The following EEFSEC variants were observed in gnomAD, a reference collection of about 807,000 sequenced individuals.
EEFSEC encodes the protein eukaryotic elongation factor, selenocysteine-tRNA specific.
A neutral mutation model predicts 42.1 loss-of-function variants in EEFSEC; 43 were observed. The ratio of observed to expected loss-of-function variants is 1.02; its 90% CI spans 0.80 to 1.32. The LOEUF (loss-of-function observed/expected upper bound fraction) is 1.32. Among genes scored for constraint, EEFSEC ranks in the 40% most tolerant of loss-of-function variants. EEFSEC has a pLI of 0.00. For missense variants in EEFSEC, 745 were observed against 803.6 expected, an observed-to-expected ratio of 0.93 and a Z score of 0.88; for synonymous variants, 354 against 339.1, an observed-to-expected ratio of 1.04 and a Z score of -0.48.
chr3:128,167,874 T>G (rs1238902878), intron 1 of EEFSEC, among the ~76,000 whole-genome samples: 1 of 152,214 alleles, frequency 6.6e-6, no homozygotes, highest in Non-Finnish European at 1.5e-5. Flanking sequence ...TTGCCGGCAA[T>G]CTTCAGCTTG....
At chr3:128,157,408 CT>C (rs1296739820) in intron 1 of EEFSEC, among the ~76,000 whole-genome samples, 1 of 152,202 alleles carries the variant, frequency 6.6e-6, no homozygotes, top group Non-Finnish European at 1.5e-5. Context: ...CAGATTTTCA[CT>C]GTAGATGGAA....
At chr3:128,400,132 G>A (rs2068032001) in intron 6 of EEFSEC, among the ~76,000 whole-genome samples, 1 of 152,176 alleles carries the variant, frequency 6.6e-6, no homozygotes, top group Admixed American at 6.5e-5. Flanking sequence ...TCTTGGCCAG[G>A]CCTGCCTCCA....
intron 5 of EEFSEC, among the ~76,000 whole-genome samples, chr3:128,351,170 T>C (rs551854331): frequency 6.6e-6 from 1 of 152,098 alleles, no homozygotes; most frequent in African/African-American, 2.4e-5. Context: ...GTGGTTGGTG[T>C]TGAGTACATG....
chr3:128,358,650 G>A (rs2067488581), intron 6 of EEFSEC, among the ~76,000 whole-genome samples: 1 of 152,200 alleles, frequency 6.6e-6, no homozygotes, highest in Admixed American at 6.5e-5. Context: ...GGGGCCTTGG[G>A]CCCGCACCTT....
intron 1 of EEFSEC, among the ~76,000 whole-genome samples, chr3:128,186,792 C>A (rs115961531): frequency 1.8e-3 from 267 of 152,216 alleles, no homozygotes; most frequent in African/African-American, 6.2e-3. Flanking sequence ...TTATTCTGAA[C>A]TATTTTTTTT....
intron 2 of EEFSEC, among the ~76,000 whole-genome samples, chr3:128,255,853 G>A (rs947072853): frequency 6.6e-6 from 1 of 152,084 alleles, no homozygotes; most frequent in Non-Finnish European, 1.5e-5. Flanking sequence ...GGGGAGCGGG[G>A]CCGGGGCTGG....
At chr3:128,170,444 A>G (rs3122173) in intron 1 of EEFSEC, among the ~76,000 whole-genome samples, 43,572 of 151,542 alleles carry the variant, frequency 0.29, 6,463 homozygotes, top group South Asian at 0.37. Context: ...CAGCTACTTG[A>G]GAGGCTGAGG....
intron 6 of EEFSEC, among the ~76,000 whole-genome samples, chr3:128,384,586 G>A (rs906914896): frequency 2.6e-5 from 4 of 152,218 alleles, no homozygotes; most frequent in African/African-American, 4.8e-5. Context: ...GCACAAGCAC[G>A]CCAGTTGCTG....
chr3:128,316,604 G>A (rs191456761), intron 4 of EEFSEC, among the ~76,000 whole-genome samples: 9 of 152,302 alleles, frequency 5.9e-5, no homozygotes, highest in Middle Eastern at 3.4e-3. Context: ...CTGAATTTCC[G>A]GAGGACTGTC....
At chr3:128,199,809 C>G (rs1159599168) in intron 1 of EEFSEC, among the ~76,000 whole-genome samples, 1 of 152,190 alleles carries the variant, frequency 6.6e-6, no homozygotes, top group East Asian at 1.9e-4. Flanking sequence ...TCTTGGCTCA[C>G]TGCAACCTCT....
chr3:128,336,313 G>T (rs915425060), intron 4 of EEFSEC, among the ~76,000 whole-genome samples: 1 of 152,136 alleles, frequency 6.6e-6, no homozygotes, highest in Non-Finnish European at 1.5e-5. Flanking sequence ...TGAACTCTGA[G>T]TATCTTCCTT....
chr3:128,372,034 C>T (rs745988799), intron 6 of EEFSEC, among the ~76,000 whole-genome samples: 13 of 152,230 alleles, frequency 8.5e-5, no homozygotes, highest in Non-Finnish European at 1.8e-4. Flanking sequence ...AACTATTTCT[C>T]TTTGCTTAGG....
At chr3:128,201,169 A>G (rs150799413) in intron 1 of EEFSEC, among the ~76,000 whole-genome samples, 151 of 152,340 alleles carry the variant, frequency 9.9e-4, no homozygotes, top group African/African-American at 3.3e-3. Context: ...TTCAGTGCAT[A>G]TTAAAATAAA....
intron 1 of EEFSEC, among the ~76,000 whole-genome samples, chr3:128,238,856 C>T (rs1160511724): frequency 2.0e-5 from 3 of 152,220 alleles, no homozygotes; most frequent in South Asian, 4.1e-4. Context: ...CAACTCTGTT[C>T]CCACTAGTTA....
intron 6 of EEFSEC, among the ~76,000 whole-genome samples, chr3:128,377,290 T>C (rs2067721030): frequency 6.6e-6 from 1 of 152,168 alleles, no homozygotes; most frequent in Non-Finnish European, 1.5e-5. Flanking sequence ...TACTCTGTGG[T>C]CTCCAAGGGA....
At chr3:128,182,163 G>A (rs2065413628) in intron 1 of EEFSEC, among the ~76,000 whole-genome samples, 1 of 152,196 alleles carries the variant, frequency 6.6e-6, no homozygotes, top group Non-Finnish European at 1.5e-5. Context: ...GTTTATAGAC[G>A]ACAGCTAATG....
chr3:128,243,419 A>G (rs1015213897), intron 1 of EEFSEC, among the ~76,000 whole-genome samples: 1 of 152,234 alleles, frequency 6.6e-6, no homozygotes, highest in Non-Finnish European at 1.5e-5. Flanking sequence ...CCCCTACTGG[A>G]TAGTTGACTG....
At chr3:128,335,840 G>A (rs1255687109) in intron 4 of EEFSEC, among the ~76,000 whole-genome samples, 4 of 152,192 alleles carry the variant, frequency 2.6e-5, no homozygotes, top group Non-Finnish European at 4.4e-5. Flanking sequence ...AGGTAGAGCC[G>A]ACCCTGTCTC....
intron 1 of EEFSEC, among the ~76,000 whole-genome samples, chr3:128,203,366 A>G (rs575583672): frequency 1.3e-5 from 2 of 152,300 alleles, no homozygotes; most frequent in East Asian, 3.9e-4. Context: ...TATTTCCTTA[A>G]AGTGATGTCA....
Sources: allele counts gnomAD v4.1 joint callset (sites outside exome capture counted in the v4.1 genomes callset), GRCh38; gene constraint gnomAD v4.1.1; transcripts MANE v1.5; gene names NCBI Gene and HGNC (gene_info 2026-07-23, HGNC 2026-07-21).